Variants in ZNF81 observed in about 807,000 individuals in gnomAD.
The protein encoded by ZNF81 is zinc finger protein 81 (HFZ20).
A neutral mutation model predicts 32.3 loss-of-function variants in ZNF81; 5 were observed. The observed-to-expected ratio is 0.15, with a 90% CI of 0.08 to 0.33. ZNF81 has a LOEUF of 0.33. ZNF81 is among the 10% of genes least tolerant of loss of function. The probability of loss-of-function intolerance (pLI) is 1.00; values close to 1 mark genes in which losing one functional copy is unlikely to be tolerated. For synonymous variants in ZNF81, 163 were observed against 166.8 expected (o/e 0.98, Z 0.17); for missense variants, 379 against 479.8 (o/e 0.79, Z 1.96).
At chrX:47,903,041 G>A (rs782801569) in intron 4 of ZNF81, among the ~76,000 whole-genome samples, 40 of 111,507 alleles carry the variant, frequency 3.6e-4, no homozygotes, top group African/African-American at 4.6e-4. Flanking sequence ...AATAAATTAC[G>A]TATTGATGGG....
intron 2 of ZNF81, among the ~76,000 whole-genome samples, chrX:47,886,711 G>A (rs902252340): frequency 2.8e-5 from 3 of 105,264 alleles, no homozygotes; most frequent in Admixed American, 2.1e-4. Context: ...CAGTCTTCCC[G>A]CCTCAGCCTC....
intron 3 of ZNF81, among the ~76,000 whole-genome samples, chrX:47,891,836 A>T (rs1224700053): frequency 8.9e-6 from 1 of 112,024 alleles, no homozygotes; most frequent in Non-Finnish European, 1.9e-5. Context: ...ATACATAGTT[A>T]TCTTGATAAA....
At position 47,836,981 on chromosome X, in the gene ZNF81, T is replaced by C; in HGVS notation, c.-170T>C. ...GGATTCGACGTTCAGTGCCCAGGGATGTGGAGGTGATGGGGGGCCGGGGAG... is the reference window on the plus strand; with the variant it reads ...GGATTCGACGTTCAGTGCCCAGGGACGTGGAGGTGATGGGGGGCCGGGGAG... On this transcript the variant is annotated 5_prime_UTR_variant, in exon 1 of 5. An upstream start codon of the reference 5' UTR is lost. Transcript: ENST00000338637. 1 of 188,972 alleles carries C rather than the reference T, an allele frequency of 5.3e-6. No homozygotes were observed. The highest frequency in any genetic ancestry group is 1.0e-5 in the Non-Finnish European group (1 of 96,414). The allele number at this position is 188,972 out of a possible 1,213,427, so 15.6% of individuals were successfully genotyped here.
In ZNF81 at chrX:47,914,912, T is replaced by G; in HGVS notation, c.278-12T>G. 8.3e-7 allele frequency: 1 copy of G among 1,206,172 alleles called. No individual in the cohort carries two copies. Among genetic ancestry groups the G allele is most frequent in the African/African-American group, 1.7e-5 (1 of 57,632 alleles). On this transcript the variant is annotated splice_polypyrimidine_tract_variant and intron_variant, in intron 4 of 4. Transcript: ENST00000338637. ...TGTTTGTGTCAATTTTACTTTTTCT[T>G]TCTCTTTTTAGATGGGAAATTTGGA...
Position 47,916,909 on chromosome X carries a change from T to C in ZNF81, c.*277T>C, listed in dbSNP as rs502054. 0.057 allele frequency: 16,539 copies of C among 290,458 alleles called. 1,422 individuals are homozygous for C. The highest frequency in any genetic ancestry group is 0.32 in the African/African-American group (11,497 of 36,107). The allele number at this position is 290,458 out of a possible 1,213,427, so 23.9% of individuals were successfully genotyped here. On this transcript the variant is annotated 3_prime_UTR_variant, in exon 5 of 5. Transcript: ENST00000338637. ...TGGTGTGTTAGGAAAAGCCTTCCTA[T>C]AGAAAGTATTATAAGTTAAATTGTT...
chrX:47,905,974 G>A (rs1489415389), intron 4 of ZNF81, among the ~76,000 whole-genome samples: 1 of 106,793 alleles, frequency 9.4e-6, no homozygotes, highest in Non-Finnish European at 1.9e-5. Context: ...ATACTGATCA[G>A]GAATTAAGTC....
At chrX:47,876,415 T>G (rs1384010277) in intron 2 of ZNF81, among the ~76,000 whole-genome samples, 1 of 112,153 alleles carries the variant, frequency 8.9e-6, no homozygotes, top group Middle Eastern at 4.6e-3. Context: ...TGCCTGCACA[T>G]GCAGTGAGTG....
intron 2 of ZNF81, among the ~76,000 whole-genome samples, chrX:47,878,963 G>C (rs1477438059): frequency 9.0e-6 from 1 of 110,697 alleles, no homozygotes; most frequent in Non-Finnish European, 1.9e-5. Flanking sequence ...ATATTCCTTG[G>C]CTTGTGGCTG....
chrX:47,897,564 C>A (rs1274946753), intron 4 of ZNF81, among the ~76,000 whole-genome samples: 1 of 111,898 alleles, frequency 8.9e-6, no homozygotes, highest in Non-Finnish European at 1.9e-5. Context: ...TTGATGAAGT[C>A]CAATTTATCA....
intron 2 of ZNF81, among the ~76,000 whole-genome samples, chrX:47,866,186 T>C (rs1487118985): frequency 8.9e-6 from 1 of 112,062 alleles, no homozygotes; most frequent in Non-Finnish European, 1.9e-5. Flanking sequence ...CAGTTGCAAG[T>C]GTGCTGGCGG....
At chrX:47,872,371 T>C (rs1476102980) in intron 2 of ZNF81, among the ~76,000 whole-genome samples, 4 of 111,903 alleles carry the variant, frequency 3.6e-5, no homozygotes, top group Non-Finnish European at 7.5e-5. Flanking sequence ...AATCTACATA[T>C]TGAATAATTA....
At position 47,862,962 on chromosome X, in the gene ZNF81, A is replaced by G. The variant is rs782196529; in HGVS notation, c.54+16641A>G. Among the ~76,000 whole-genome samples the G allele has an allele frequency of 3.6e-5, 4 of 111,681 alleles. No individual in the cohort carries two copies. The East Asian group carries it at 1.1e-3, about 32-fold the overall frequency. ...AGCTTCCAATCTCAGTTAATCATTC[A>G]TGAGACACAGAACAGGACGTTAGAG... On this transcript the variant is annotated intron_variant, in intron 2 of 4. Coordinates refer to ENST00000338637, the MANE Select transcript of ZNF81 (RefSeq NM_007137.5).
intron 3 of ZNF81, among the ~76,000 whole-genome samples, chrX:47,890,028 CA>C (rs1204781209): frequency 9.0e-6 from 1 of 111,628 alleles, no homozygotes. Flanking sequence ...TGATGAAGAC[CA>C]AATATATATA....
chrX:47,873,109 G>A (rs1217545524), intron 2 of ZNF81, among the ~76,000 whole-genome samples: 1 of 111,638 alleles, frequency 9.0e-6, no homozygotes, highest in Non-Finnish European at 1.9e-5. Flanking sequence ...ATTTTGCACA[G>A]CAAATCTGCA....
intron 2 of ZNF81, among the ~76,000 whole-genome samples, chrX:47,874,033 G>T (rs782476086): frequency 8.9e-6 from 1 of 111,921 alleles, no homozygotes; most frequent in Non-Finnish European, 1.9e-5. Context: ...CTAAGTAGCT[G>T]CTGCTAAGAT....
intron 2 of ZNF81, among the ~76,000 whole-genome samples, chrX:47,872,365 T>C (rs1188374357): frequency 1.8e-5 from 2 of 111,999 alleles, no homozygotes; most frequent in Non-Finnish European, 3.8e-5. Flanking sequence ...GCAAATAATC[T>C]ACATATTGAA....
intron 1 of ZNF81, among the ~76,000 whole-genome samples, chrX:47,843,587 A>G (rs1398241281): frequency 2.7e-5 from 3 of 111,726 alleles, no homozygotes; most frequent in African/African-American, 6.5e-5. Context: ...CAGTGATGCA[A>G]CTGTGGCTCA....
intron 2 of ZNF81, 112 bp downstream of exon 2, chrX:47,846,433 T>TC: frequency 5.7e-6 from 5 of 871,814 alleles, no homozygotes; most frequent in Non-Finnish European, 6.5e-6. Context: ...CAGGAAAATT[T>TC]CCCCCCACCC....
In ZNF81 at chrX:47,917,277, T is replaced by C. The variant is rs1299162656; in HGVS notation, c.*645T>C. ...TTATATATACACACATCTGCAGATA[T>C]AATTTTATAAGAACACACAAATATA... On this transcript the variant is annotated 3_prime_UTR_variant, in exon 5 of 5. Coordinates refer to ENST00000338637, the MANE Select transcript of ZNF81 (RefSeq NM_007137.5). 1 of 297,311 alleles carries C rather than the reference T, an allele frequency of 3.4e-6. No individual in the cohort carries two copies. The highest frequency in any genetic ancestry group is 5.9e-6 in the Non-Finnish European group (1 of 170,076). 24.5% of individuals were successfully genotyped at this position (297,311 alleles called of 1,213,427 possible).
Sources: allele counts gnomAD v4.1 joint callset (sites outside exome capture counted in the v4.1 genomes callset), GRCh38; gene constraint gnomAD v4.1.1; transcripts MANE v1.5; gene names NCBI Gene and HGNC (gene_info 2026-07-23, HGNC 2026-07-21).